Variants in AGMO observed in about 807,000 individuals in gnomAD.
AGMO encodes glyceryl-ether monooxygenase.
AGMO carries 75 observed loss-of-function variants against 60.2 expected under a neutral mutation model. The ratio of observed to expected loss-of-function variants is 1.25; its 90% CI spans 1.03 to 1.51. The LOEUF (loss-of-function observed/expected upper bound fraction) is 1.51. Ranked by LOEUF, AGMO falls within the 40% of genes most tolerant of loss-of-function variation. The probability of loss-of-function intolerance (pLI) is 0.00; values close to 1 mark genes in which losing one functional copy is unlikely to be tolerated. For missense variants in AGMO, 763 were observed against 525.5 expected (o/e 1.45, Z -4.42); for synonymous variants, 261 against 177.1 (o/e 1.47, Z -3.76).
At chr7:15,512,287 ACT>A (rs1248479318) in intron 3 of AGMO, among the ~76,000 whole-genome samples, 1 of 152,048 alleles carries the variant, frequency 6.6e-6, no homozygotes, top group Admixed American at 6.6e-5. Flanking sequence ...ACATGATCTC[ACT>A]CTGTTACCCA....
At chr7:15,124,264 C>G in the AGMO span, among the ~76,000 whole-genome samples, 1 of 151,934 alleles carries the variant, frequency 6.6e-6, no homozygotes, top group Non-Finnish European at 1.5e-5. Flanking sequence ...TTTTTCCCTA[C>G]CTTGCCTTTC....
chr7:15,278,310 T>C (rs1783857123), intron 12 of AGMO, among the ~76,000 whole-genome samples: 1 of 152,094 alleles, frequency 6.6e-6, no homozygotes, highest in African/African-American at 2.4e-5. Flanking sequence ...GCAGTTTAGG[T>C]CAGCCTGACC....
chr7:15,537,603 T>C (rs551075482), intron 3 of AGMO, among the ~76,000 whole-genome samples: 1 of 152,238 alleles, frequency 6.6e-6, no homozygotes, highest in South Asian at 2.1e-4. Flanking sequence ...TTCTATACTT[T>C]ACAATCAATG....
chr7:15,316,003 T>C (rs1276158259), intron 12 of AGMO, among the ~76,000 whole-genome samples: 2 of 152,068 alleles, frequency 1.3e-5, no homozygotes, highest in Non-Finnish European at 2.9e-5. Flanking sequence ...TTTTGAGAGA[T>C]ATTATTAGAG....
chr7:15,515,676 T>C (rs2128532626), intron 3 of AGMO, among the ~76,000 whole-genome samples: 1 of 152,340 alleles, frequency 6.6e-6, no homozygotes, highest in Middle Eastern at 3.4e-3. Flanking sequence ...AAGACTGAAC[T>C]TTTCTTGTTT....
At chr7:15,212,935 G>GT (rs926486868) in intron 12 of AGMO, among the ~76,000 whole-genome samples, 3 of 151,874 alleles carry the variant, frequency 2.0e-5, no homozygotes, top group African/African-American at 7.2e-5. Context: ...ATCAACAAAC[G>GT]TCAGTAGTTT....
chr7:15,384,137 C>T (rs1362026193), intron 10 of AGMO, among the ~76,000 whole-genome samples: 1 of 152,044 alleles, frequency 6.6e-6, no homozygotes, highest in Admixed American at 6.6e-5. Flanking sequence ...CGTGGTTTCA[C>T]CGTATTAGCC....
intron 12 of AGMO, among the ~76,000 whole-genome samples, chr7:15,233,668 C>A (rs139909419): frequency 2.0e-4 from 31 of 152,006 alleles, no homozygotes; most frequent in Admixed American, 4.6e-4. Context: ...AGGAGCAAAG[C>A]GATTAAAGCC....
At chr7:15,173,166 A>G in the AGMO span, among the ~76,000 whole-genome samples, 10 of 152,274 alleles carry the variant, frequency 6.6e-5, no homozygotes, top group South Asian at 2.1e-3. Flanking sequence ...GAATATATTT[A>G]TTGAAGTAAA....
chr7:15,352,193 A>G (rs1302940342), intron 12 of AGMO, among the ~76,000 whole-genome samples: 1 of 152,036 alleles, frequency 6.6e-6, no homozygotes, highest in African/African-American at 2.4e-5. Context: ...ATAGATCTTC[A>G]GTTTGCTCAT....
chr7:15,249,741 T>C (rs573959623), intron 12 of AGMO, among the ~76,000 whole-genome samples: 1 of 152,264 alleles, frequency 6.6e-6, no homozygotes, highest in South Asian at 2.1e-4. Flanking sequence ...GTACATCTAT[T>C]TCCCCAAATT....
the AGMO span, among the ~76,000 whole-genome samples, chr7:15,128,220 T>C: frequency 6.6e-6 from 1 of 152,052 alleles, no homozygotes; most frequent in Admixed American, 6.6e-5. Flanking sequence ...AGTGTGATAA[T>C]AGACGTGCTT....
the AGMO span, among the ~76,000 whole-genome samples, chr7:15,193,689 T>C: frequency 6.6e-6 from 1 of 152,184 alleles, no homozygotes; most frequent in Non-Finnish European, 1.5e-5. Flanking sequence ...TCTTTACTGA[T>C]ATTTGTCTAA....
chr7:15,245,915 G>C (rs928260524), intron 12 of AGMO, among the ~76,000 whole-genome samples: 1 of 152,034 alleles, frequency 6.6e-6, no homozygotes, highest in Non-Finnish European at 1.5e-5. Flanking sequence ...ATCATCCCCA[G>C]GCAATCAGAC....
chr7:15,149,974 G>A, the AGMO span, among the ~76,000 whole-genome samples: 1 of 151,862 alleles, frequency 6.6e-6, no homozygotes, highest in African/African-American at 2.4e-5. Flanking sequence ...ATTTGTTTGT[G>A]TCATCTCTGA....
chr7:15,168,908 T>C, the AGMO span, among the ~76,000 whole-genome samples: 1 of 152,222 alleles, frequency 6.6e-6, no homozygotes, highest in Non-Finnish European at 1.5e-5. Flanking sequence ...ACAGGCTCTA[T>C]GGATAAACAC....
chr7:15,126,350 C>T, the AGMO span, among the ~76,000 whole-genome samples: 1 of 152,010 alleles, frequency 6.6e-6, no homozygotes, highest in Non-Finnish European at 1.5e-5. Context: ...TAATCACATC[C>T]AAATTTATAT....
intron 12 of AGMO, among the ~76,000 whole-genome samples, chr7:15,236,944 G>T (rs1453569205): frequency 3.3e-5 from 5 of 151,010 alleles, no homozygotes; most frequent in Non-Finnish European, 7.4e-5. Flanking sequence ...TAAAACAAAA[G>T]AAATTGGTAA....
chr7:15,354,404 G>GTA (rs1198707542), intron 12 of AGMO, among the ~76,000 whole-genome samples: 21 of 34,704 alleles, frequency 6.1e-4, no homozygotes, highest in Non-Finnish European at 8.3e-4. Context: ...ACACGTGTGT[G>GTA]TACACACGTG....
Sources: allele counts gnomAD v4.1 joint callset (sites outside exome capture counted in the v4.1 genomes callset), GRCh38; gene constraint gnomAD v4.1.1; transcripts MANE v1.5; gene names NCBI Gene and HGNC (gene_info 2026-07-23, HGNC 2026-07-21).